Variants in SEC14L5 observed in about 807,000 individuals in gnomAD.
The protein encoded by SEC14L5 is SEC14 like lipid binding 5.
In SEC14L5, 96 loss-of-function variants were observed where a neutral mutation model predicts 84.6. That is an observed-to-expected ratio of 1.13 (90% confidence interval 0.96 to 1.34). The LOEUF is 1.34. Among genes scored for constraint, SEC14L5 ranks in the 40% most tolerant of loss-of-function variants. SEC14L5 has a pLI of 0.00. For missense variants in SEC14L5, 1,224 were observed against 942.5 expected (o/e 1.30, Z -3.91); for synonymous variants, 546 against 383.4 (o/e 1.42, Z -4.95).
At chr16:4,996,216 G>T (rs1955606625) in intron 6 of SEC14L5, 132 bp from the exon 7 acceptor site, 5 of 600,056 alleles carry the variant, frequency 8.3e-6, no homozygotes, top group Middle Eastern at 2.6e-4. Context: ...GCTGTCTGGG[G>T]CGGGGGCTTA....
At chr16:5,000,833 C>T (rs1281745703) in intron 9 of SEC14L5, 22 bp from the exon 10 acceptor site, 4 of 1,592,580 alleles carry the variant, frequency 2.5e-6, no homozygotes, top group South Asian at 1.1e-5. Context: ...GGACGTTGAG[C>T]AGCACTGTCT....
At chr16:4,963,145 G>A (rs1052608544) in intron 2 of SEC14L5, among the ~76,000 whole-genome samples, 1 of 152,194 alleles carries the variant, frequency 6.6e-6, no homozygotes, top group African/African-American at 2.4e-5. Flanking sequence ...TGACACAAAT[G>A]ACTGAAATTG....
At chr16:4,987,747 T>C (rs1955508029) in intron 3 of SEC14L5, 41 bp downstream of exon 3, 1 of 1,422,872 alleles carries the variant, frequency 7.0e-7, no homozygotes, top group African/African-American at 1.5e-5. Flanking sequence ...AGGGGACCTG[T>C]TGCGGAGGTG....
Position 5,007,606 on chromosome 16 carries a change from CTTTTTTTT to C in SEC14L5, c.1572+130_1572+137del, listed in dbSNP as rs377374416. 8.9e-6 allele frequency: 5 copies of C among 562,154 alleles called. No individual in the cohort carries two copies. In the South Asian group the frequency reaches 9.1e-5, roughly 10 times the overall value. 34.8% of individuals were successfully genotyped at this position (562,154 alleles called of 1,614,324 possible). A position where few individuals can be genotyped will look rare whatever the true frequency, so the allele number is the denominator to read the frequency against. ...TTTTCTTTTCTTTCTTTCTTTCTTT[CTTTTTTTT>C]TTTTTTTTTGGGATGGAGTCTCGCT... On this transcript the variant is annotated intron_variant, in intron 13 of 15. Coordinates refer to ENST00000251170, the MANE Select transcript of SEC14L5 (RefSeq NM_014692.2).
intron 2 of SEC14L5, among the ~76,000 whole-genome samples, chr16:4,965,718 A>T (rs911634834): frequency 6.3e-5 from 9 of 141,798 alleles, no homozygotes; most frequent in Non-Finnish European, 6.1e-5. Flanking sequence ...GGTACCGGTT[A>T]TTCAATGGGT....
At chr16:4,987,484 A>C in intron 2 of SEC14L5, 73 bp from the exon 3 acceptor site, 1 of 1,281,140 alleles carries the variant, frequency 7.8e-7, no homozygotes, top group Non-Finnish European at 1.1e-6. Context: ...CACAGCAGAT[A>C]AGGAGGTCGC....
intron 14 of SEC14L5, among the ~76,000 whole-genome samples, chr16:5,009,044 C>T (rs899773423): frequency 4.6e-5 from 7 of 152,176 alleles, no homozygotes; most frequent in African/African-American, 1.7e-4. Context: ...TCTCACAGTT[C>T]AGGAGTTCAC....
In SEC14L5 at chr16:5,008,518, C is replaced by A; in HGVS notation, c.1670C>A (p.Ala557Glu). Residue 557 changes from alanine to glutamate, a missense_variant, in exon 14 of 16, where the codon GCG (alanine) becomes GAG (glutamate). Transcript: ENST00000251170. Reference protein sequence around the residue: ...VVFSLYHTKQAPRLGAREPGT... With the variant: ...VVFSLYHTKQEPRLGAREPGT... The stretch of plus-strand genomic sequence containing the variant: ...TTCAGCCTGTACCACACCAAGCAGG[C>A]GCCCAGGCTGGGCGCCCGGGAACCG... 1 of 1,610,034 alleles carries A rather than the reference C, an allele frequency of 6.2e-7. No individual in the cohort carries two copies.
intron 2 of SEC14L5, among the ~76,000 whole-genome samples, chr16:4,985,809 T>C (rs1444461500): frequency 6.6e-6 from 1 of 150,742 alleles, no homozygotes; most frequent in East Asian, 1.9e-4. Flanking sequence ...AATTATATTA[T>C]ATAGAAACAC....
chr16:4,996,301 G>C (rs78931755), intron 6 of SEC14L5, 47 bp from the exon 7 acceptor site: 4 of 1,125,250 alleles, frequency 3.6e-6, no homozygotes, highest in South Asian at 1.3e-5. Context: ...ATGGTAAAGA[G>C]ACGCAGCGTC....
chr16:5,015,184 C>G lies in SEC14L5; in HGVS notation c.*214C>G, dbSNP rs1033883960. The G allele has an allele frequency of 5.3e-6, 3 of 566,826 alleles. No individual in the cohort carries two copies. The highest frequency in any genetic ancestry group is 3.7e-5 in the African/African-American group (2 of 53,406). The allele number at this position is 566,826 out of a possible 1,614,324, so 35.1% of individuals were successfully genotyped here. A position where few individuals can be genotyped will look rare whatever the true frequency, so the allele number is the denominator to read the frequency against. On this transcript the variant is annotated 3_prime_UTR_variant, in exon 16 of 16. Coordinates refer to ENST00000251170, the MANE Select transcript of SEC14L5 (RefSeq NM_014692.2). ...TGAAATTGCAAGGACAGAACCATCTCCTTCCGGCTTCGTGTAAGGAAGACC... is the reference window on the plus strand; with the variant it reads ...TGAAATTGCAAGGACAGAACCATCTGCTTCCGGCTTCGTGTAAGGAAGACC...
chr16:4,980,912 C>T (rs770014052), intron 2 of SEC14L5, among the ~76,000 whole-genome samples: 11 of 152,066 alleles, frequency 7.2e-5, no homozygotes, highest in South Asian at 6.2e-4. Context: ...AATTGATCAG[C>T]GTTCCAAGCA....
chr16:4,989,171 C>T (rs909066292), intron 4 of SEC14L5, among the ~76,000 whole-genome samples: 8 of 152,216 alleles, frequency 5.3e-5, no homozygotes, highest in Non-Finnish European at 1.0e-4. Flanking sequence ...AGCTCTGCCA[C>T]TTTCTTGCTG....
intron 15 of SEC14L5, among the ~76,000 whole-genome samples, chr16:5,011,827 C>G (rs1442475274): frequency 6.6e-6 from 1 of 152,102 alleles, no homozygotes; most frequent in Non-Finnish European, 1.5e-5. Context: ...GATGAGATGG[C>G]TGGGGGAAGC....
chr16:4,966,743 C>T (rs1291473647), intron 2 of SEC14L5, among the ~76,000 whole-genome samples: 1 of 152,184 alleles, frequency 6.6e-6, no homozygotes, highest in East Asian at 1.9e-4. Flanking sequence ...TTCGGCCCCT[C>T]AATTTACACC....
chr16:5,012,670 C>T (rs957158878), intron 15 of SEC14L5, among the ~76,000 whole-genome samples: 4 of 152,142 alleles, frequency 2.6e-5, no homozygotes, highest in Non-Finnish European at 5.9e-5. Context: ...TTTGGGAAGC[C>T]GAGGTGGGTG....
At chr16:5,004,183 A>G (rs971751585) in intron 11 of SEC14L5, among the ~76,000 whole-genome samples, 5 of 152,154 alleles carry the variant, frequency 3.3e-5, no homozygotes, top group African/African-American at 4.8e-5. Flanking sequence ...TACAGGGGCA[A>G]TAGGGACCCA....
intron 2 of SEC14L5, among the ~76,000 whole-genome samples, chr16:4,968,086 A>G (rs1955228853): frequency 6.8e-6 from 1 of 147,378 alleles, no homozygotes; most frequent in Non-Finnish European, 1.5e-5. Context: ...TGGTGCAATC[A>G]TGGCTCACTG....
rs537457808 is a variant in SEC14L5, at chr16:4,999,327, G to A, written c.971-1328G>A. On this transcript the variant is annotated intron_variant, in intron 8 of 15. Transcript: ENST00000251170. ...GTGTCCTTAAACAGAAACACAAGCC[G>A]GGCGCAGTGGCTCACACCTGTAATC... Among the ~76,000 whole-genome samples the A allele has an allele frequency of 1.1e-3, 172 of 152,246 alleles. 1 individual carries two copies. The highest frequency in any genetic ancestry group is 1.7e-3 in the Non-Finnish European group (119 of 68,024).
Sources: allele counts gnomAD v4.1 joint callset (sites outside exome capture counted in the v4.1 genomes callset), GRCh38; gene constraint gnomAD v4.1.1; transcripts MANE v1.5; gene names NCBI Gene and HGNC (gene_info 2026-07-23, HGNC 2026-07-21).